Variants in TNIK observed in about 807,000 individuals in gnomAD.
The protein encoded by TNIK is TRAF2 and NCK interacting kinase.
A neutral mutation model predicts 191.3 loss-of-function variants in TNIK; 49 were observed. That is an observed-to-expected ratio of 0.26 (90% CI 0.20 to 0.32). TNIK has a LOEUF of 0.32. TNIK is among the 10% of genes least tolerant of loss of function. TNIK has a pLI of 1.00. For missense variants in TNIK, 1,155 were observed against 1,702.3 expected (o/e 0.68, Z 5.66); for synonymous variants, 594 against 600.9 (o/e 0.99, Z 0.17).
intron 2 of TNIK, among the ~76,000 whole-genome samples, chr3:171,355,087 G>A (rs16856178): frequency 0.033 from 5,095 of 152,140 alleles, 208 homozygotes; most frequent in East Asian, 0.22. Context: ...GTAGGCATTC[G>A]TCTTATTCAA....
chr3:171,393,183 G>T lies in TNIK; in HGVS notation c.58-23498C>A, dbSNP rs189266248. Among the ~76,000 whole-genome samples, 384 of 152,320 alleles carry T rather than the reference G, an allele frequency of 2.5e-3. 1 individual carries two copies. The highest frequency in any genetic ancestry group is 8.8e-3 in the African/African-American group (364 of 41,570). ...AATCTATCTAAGTTTGGCAGTGCTTGCTGCATTCTGCCTGTAGAAGTGCCC... is the reference window on the plus strand; with the variant it reads ...AATCTATCTAAGTTTGGCAGTGCTTTCTGCATTCTGCCTGTAGAAGTGCCC... On this transcript the variant is annotated intron_variant, in intron 1 of 32. Coordinates refer to ENST00000436636, the MANE Select transcript of TNIK (RefSeq NM_015028.4).
At chr3:171,354,386 G>A (rs7626397) in intron 2 of TNIK, among the ~76,000 whole-genome samples, 4,986 of 152,154 alleles carry the variant, frequency 0.033, 288 homozygotes, top group African/African-American at 0.11. Flanking sequence ...TCCACTACCT[G>A]AGCCGTGTTC....
chr3:171,281,965 C>T (rs1313043110), intron 2 of TNIK, among the ~76,000 whole-genome samples: 1 of 152,064 alleles, frequency 6.6e-6, no homozygotes, highest in Non-Finnish European at 1.5e-5. Flanking sequence ...GAAATGTACA[C>T]TAAGAAATGA....
chr3:171,375,294 A>G (rs933947532), intron 1 of TNIK, among the ~76,000 whole-genome samples: 5 of 152,202 alleles, frequency 3.3e-5, no homozygotes, highest in Admixed American at 1.3e-4. Context: ...AGAATATGCC[A>G]CAGTAAAATT....
chr3:171,380,045 A>ACG lies in TNIK; in HGVS notation c.58-10361_58-10360insCG, dbSNP rs1559998209. Among the ~76,000 whole-genome samples, 11 of 151,474 alleles carry ACG rather than the reference A, an allele frequency of 7.3e-5. No homozygotes were observed. In the South Asian group the frequency reaches 1.3e-3, roughly 17 times the overall value. On this transcript the variant is annotated intron_variant, in intron 1 of 32. Coordinates refer to ENST00000436636, the MANE Select transcript of TNIK (RefSeq NM_015028.4). ...CACACACGCGCACACACACACACAC[A>ACG]CACACACACACACGCAAGTTGCTTT...
chr3:171,417,277 C>T (rs981100341), intron 1 of TNIK, among the ~76,000 whole-genome samples: 3 of 152,128 alleles, frequency 2.0e-5, no homozygotes, highest in East Asian at 1.9e-4. Context: ...AAATTAGTAG[C>T]ATATCTTATT....
intron 2 of TNIK, among the ~76,000 whole-genome samples, chr3:171,282,208 G>T (rs1255512415): frequency 6.6e-6 from 1 of 152,058 alleles, no homozygotes; most frequent in East Asian, 1.9e-4. Context: ...GTATCCCAGC[G>T]AATCACAAAG....
intron 2 of TNIK, among the ~76,000 whole-genome samples, chr3:171,244,511 T>C (rs1745369884): frequency 6.6e-6 from 1 of 152,172 alleles, no homozygotes. Context: ...AAGAGCTTAA[T>C]AAATGATAGC....
intron 2 of TNIK, among the ~76,000 whole-genome samples, chr3:171,279,687 C>CGATGAT: frequency 6.6e-6 from 1 of 152,130 alleles, no homozygotes. Context: ...ATAGCAATGA[C>CGATGAT]GATGATGATG....
At chr3:171,079,712 C>T (rs1050873036) in intron 27 of TNIK, 60 bp from the exon 28 acceptor site, 2 of 1,520,128 alleles carry the variant, frequency 1.3e-6, no homozygotes, top group Non-Finnish European at 1.8e-6. Flanking sequence ...TTTTTCCTTC[C>T]CCACCTCCAT....
chr3:171,111,133 C>G (rs753965960), intron 18 of TNIK, among the ~76,000 whole-genome samples: 1 of 152,014 alleles, frequency 6.6e-6, no homozygotes, highest in Non-Finnish European at 1.5e-5. Context: ...AAATTAAAAC[C>G]ACAATGAGCC....
Position 171,159,710 on chromosome 3 carries a change from G to T in TNIK, c.1016+1560C>A, listed in dbSNP as rs907566710. ...CAACCATTAACTCTGTGTGTGACCTGGGTGCAACCCTTAGGCTGTCGCCTC... is the reference window on the plus strand; with the variant it reads ...CAACCATTAACTCTGTGTGTGACCTTGGTGCAACCCTTAGGCTGTCGCCTC... On this transcript the variant is annotated intron_variant, in intron 11 of 32. Coordinates refer to ENST00000436636, the MANE Select transcript of TNIK (RefSeq NM_015028.4). This position sits in a 1 kb window ranked among gnomAD's most constrained non-coding sequence, Gnocchi z 4.1. Among the ~76,000 whole-genome samples, 3 of 152,210 alleles carry T rather than the reference G, an allele frequency of 2.0e-5. No homozygotes were observed. Among genetic ancestry groups the T allele is most frequent in the African/African-American group, 7.2e-5 (3 of 41,452 alleles).
intron 2 of TNIK, among the ~76,000 whole-genome samples, chr3:171,291,632 T>C (rs1751695713): frequency 6.6e-6 from 1 of 152,180 alleles, no homozygotes; most frequent in Non-Finnish European, 1.5e-5. Context: ...TTACCTTCTA[T>C]GTTGTGTGCC....
rs570084653 is a variant in TNIK, at chr3:171,182,476, G to A, written c.640-5096C>T. On this transcript the variant is annotated intron_variant, in intron 7 of 32. Coordinates refer to ENST00000436636, the MANE Select transcript of TNIK (RefSeq NM_015028.4). ...AAAGAGTCAGAAAGAGATAAGTTTC[G>A]TTCATGGCCATGGTGTGACTCATTT... 2.8e-4 allele frequency among the ~76,000 whole-genome samples: 43 copies of A among 152,250 alleles called. No individual in the cohort carries two copies. In the South Asian group the frequency reaches 8.5e-3, roughly 30 times the overall value.
intron 2 of TNIK, among the ~76,000 whole-genome samples, chr3:171,243,529 G>T (rs1745230675): frequency 6.6e-6 from 1 of 151,958 alleles, no homozygotes; most frequent in Non-Finnish European, 1.5e-5. Flanking sequence ...GCATCTTCTG[G>T]GGTTGAACCT....
intron 1 of TNIK, among the ~76,000 whole-genome samples, chr3:171,444,251 T>C (rs909832107): frequency 6.6e-6 from 1 of 152,186 alleles, no homozygotes; most frequent in African/African-American, 2.4e-5. Context: ...AAGAGATGCT[T>C]ACAAGTTGTT....
At chr3:171,197,035 G>A (rs976727603) in intron 4 of TNIK, among the ~76,000 whole-genome samples, 2 of 152,132 alleles carry the variant, frequency 1.3e-5, no homozygotes, top group African/African-American at 4.8e-5. Context: ...GATTACAGGC[G>A]TTGAGCCACC....
intron 18 of TNIK, among the ~76,000 whole-genome samples, chr3:171,114,541 C>T (rs914387887): frequency 2.0e-5 from 3 of 152,120 alleles, no homozygotes; most frequent in African/African-American, 7.2e-5. Context: ...ATGTATCTGT[C>T]AAAAACATTT....
chr3:171,228,610 C>G (rs1577183591), intron 2 of TNIK, among the ~76,000 whole-genome samples: 1 of 152,170 alleles, frequency 6.6e-6, no homozygotes, highest in Admixed American at 6.5e-5. Flanking sequence ...TGGTTTCTTT[C>G]ATTCTTAAAA....
Sources: gnomAD v4.1 joint callset for allele counts (sites outside exome capture counted in the v4.1 genomes callset) on GRCh38, gnomAD v4.1.1 for gene constraint, Gnocchi (gnomAD v3.1) non-coding constraint, MANE v1.5 for transcripts, NCBI Gene and HGNC (gene_info 2026-07-23, HGNC 2026-07-21) for gene names.